Variants in LINGO2 observed in about 807,000 individuals in gnomAD.
The protein encoded by LINGO2 is leucine-rich repeat and immunoglobulin-like domain-containing nogo receptor-interacting protein 2.
Under a neutral mutation model 30.6 loss-of-function variants are expected in LINGO2, and 14 were observed. That is an observed-to-expected ratio of 0.46 (90% CI 0.30 to 0.72). The LOEUF is 0.72. LINGO2 is among the 30% of genes least tolerant of loss of function. The probability of loss-of-function intolerance (pLI) is 0.07; values close to 1 mark genes in which losing one functional copy is unlikely to be tolerated. For missense variants in LINGO2, 729 were observed against 751.7 expected, an observed-to-expected ratio of 0.97 and a Z score of 0.35; for synonymous variants, 317 against 288.5, an observed-to-expected ratio of 1.10 and a Z score of -1.00.
intron 2 of LINGO2, among the ~76,000 whole-genome samples, chr9:28,424,597 T>A (rs150119079): frequency 6.6e-6 from 1 of 152,194 alleles, no homozygotes; most frequent in African/African-American, 2.4e-5. Context: ...ACAACATTTA[T>A]GGTAGCATTT....
the LINGO2 span, among the ~76,000 whole-genome samples, chr9:29,027,629 C>T: frequency 2.0e-5 from 3 of 152,304 alleles, no homozygotes; most frequent in African/African-American, 4.8e-5. Flanking sequence ...TGAGCCACCA[C>T]ACCAGGCCAG....
At chr9:29,127,287 T>G in the LINGO2 span, among the ~76,000 whole-genome samples, 1 of 152,258 alleles carries the variant, frequency 6.6e-6, no homozygotes, top group East Asian at 1.9e-4. Flanking sequence ...TTCCAATTCT[T>G]TGTTCAAAAT....
chr9:28,695,792 A>T, the LINGO2 span, among the ~76,000 whole-genome samples: 1 of 151,830 alleles, frequency 6.6e-6, no homozygotes, highest in South Asian at 2.1e-4. Context: ...ACTTTTAAAA[A>T]ATATATAGTT....
chr9:28,390,350 C>G (rs906610236), intron 2 of LINGO2, among the ~76,000 whole-genome samples: 3 of 152,144 alleles, frequency 2.0e-5, no homozygotes, highest in Admixed American at 2.0e-4. Flanking sequence ...AATCTTAATT[C>G]ACATCTATGC....
At chr9:29,088,932 A>G in the LINGO2 span, among the ~76,000 whole-genome samples, 1 of 152,082 alleles carries the variant, frequency 6.6e-6, no homozygotes, top group African/African-American at 2.4e-5. Flanking sequence ...TGTGCTTCTG[A>G]TATCATAGCA....
At chr9:28,984,985 T>G in the LINGO2 span, among the ~76,000 whole-genome samples, 1 of 152,106 alleles carries the variant, frequency 6.6e-6, no homozygotes, top group Non-Finnish European at 1.5e-5. Flanking sequence ...ACCTCCTGTC[T>G]AACTAAGCTT....
chr9:28,457,993 G>A (rs1018416517), intron 2 of LINGO2, among the ~76,000 whole-genome samples: 7 of 152,216 alleles, frequency 4.6e-5, no homozygotes, highest in Admixed American at 2.6e-4. Flanking sequence ...TACTTTACAA[G>A]GCAAATTACA....
At chr9:29,151,266 A>G in the LINGO2 span, among the ~76,000 whole-genome samples, 2 of 152,190 alleles carry the variant, frequency 1.3e-5, no homozygotes, top group Non-Finnish European at 2.9e-5. Flanking sequence ...AGAGAGTGCT[A>G]AACACAGAAA....
chr9:29,125,972 T>C, the LINGO2 span, among the ~76,000 whole-genome samples: 11 of 152,282 alleles, frequency 7.2e-5, no homozygotes, highest in East Asian at 1.9e-4. Flanking sequence ...CTTATTTGTC[T>C]GATTCAATTA....
intron 3 of LINGO2, among the ~76,000 whole-genome samples, chr9:28,351,429 G>T (rs1033139220): frequency 2.5e-4 from 38 of 151,064 alleles, no homozygotes; most frequent in Non-Finnish European, 4.7e-4. Flanking sequence ...CGACACATAC[G>T]CTCTCCCAAG....
At chr9:28,353,958 T>G (rs891432427) in intron 3 of LINGO2, among the ~76,000 whole-genome samples, 3 of 152,016 alleles carry the variant, frequency 2.0e-5, no homozygotes, top group Non-Finnish European at 2.9e-5. Context: ...AACAGTGAGA[T>G]CACATGGACA....
At chr9:28,600,511 A>C (rs1825415202) in intron 1 of LINGO2, among the ~76,000 whole-genome samples, 1 of 152,168 alleles carries the variant, frequency 6.6e-6, no homozygotes, top group African/African-American at 2.4e-5. Flanking sequence ...TGAGAGTATC[A>C]TCTCTTTGGT....
chr9:28,190,449 G>C (rs1291913491), intron 4 of LINGO2, among the ~76,000 whole-genome samples: 2 of 152,064 alleles, frequency 1.3e-5, no homozygotes, highest in South Asian at 2.1e-4. Flanking sequence ...GGTATTAGGA[G>C]GTGGGGCCAT....
At chr9:28,150,441 C>T (rs577867407) in intron 4 of LINGO2, among the ~76,000 whole-genome samples, 20 of 152,250 alleles carry the variant, frequency 1.3e-4, no homozygotes, top group Non-Finnish European at 1.9e-4. Context: ...AGAATTAGGC[C>T]GGCATGGCGG....
At chr9:28,833,362 ACTTG>A in the LINGO2 span, among the ~76,000 whole-genome samples, 1 of 152,300 alleles carries the variant, frequency 6.6e-6, no homozygotes, top group African/African-American at 2.4e-5. Flanking sequence ...TTCCATATTC[ACTTG>A]GACAGTCTAT....
At chr9:28,437,048 A>G (rs1420507772) in intron 2 of LINGO2, among the ~76,000 whole-genome samples, 1 of 152,212 alleles carries the variant, frequency 6.6e-6, no homozygotes, top group East Asian at 1.9e-4. Context: ...GACTGCATTA[A>G]GGAATACCAA....
the LINGO2 span, among the ~76,000 whole-genome samples, chr9:28,756,593 T>C: frequency 6.6e-6 from 1 of 152,042 alleles, no homozygotes; most frequent in African/African-American, 2.4e-5. Flanking sequence ...TCATTGCAAA[T>C]TGTAATCCCC....
intron 4 of LINGO2, among the ~76,000 whole-genome samples, chr9:28,239,225 C>A (rs1001549247): frequency 2.6e-5 from 4 of 151,834 alleles, no homozygotes; most frequent in African/African-American, 7.3e-5. Context: ...AAAAGCAATA[C>A]CAATACCACT....
chr9:27,959,693 A>G (rs1802876378), intron 5 of LINGO2, among the ~76,000 whole-genome samples: 1 of 152,168 alleles, frequency 6.6e-6, no homozygotes, highest in African/African-American at 2.4e-5. Context: ...GGACCAGCGT[A>G]TGATCAATCT....
Sources: allele counts gnomAD v4.1 joint callset (sites outside exome capture counted in the v4.1 genomes callset), GRCh38; gene constraint gnomAD v4.1.1; transcripts MANE v1.5; gene names NCBI Gene and HGNC (gene_info 2026-07-23, HGNC 2026-07-21).